TMEM74B: variants seen among roughly 807,000 people sequenced by gnomAD.
TMEM74B encodes transmembrane protein 74B, also known as transmembrane protein C20orf46.
A neutral mutation model predicts 6.5 loss-of-function variants in TMEM74B; 7 were observed. The observed-to-expected ratio is 1.07, with a 90% confidence interval of 0.61 to 2.01. The LOEUF (loss-of-function observed/expected upper bound fraction) is 2.01, where lower values mean the gene tolerates loss of function less well. TMEM74B is among the 30% of genes most tolerant of loss of function. The probability of loss-of-function intolerance (pLI) is 0.00; values close to 1 mark genes in which losing one functional copy is unlikely to be tolerated. For missense variants in TMEM74B, 342 were observed against 337.0 expected, an observed-to-expected ratio of 1.01 and a Z score of -0.12; for synonymous variants, 151 against 151.6, an observed-to-expected ratio of 1.00 and a Z score of 0.03.
chr20:1,189,409 T>C (rs1305715001), upstream of TMEM74B: 1 of 152,236 alleles, frequency 6.6e-6, no homozygotes. The surrounding 1 kb of genome is among the most constrained non-coding windows in gnomAD (Gnocchi z 4.5). Flanking sequence ...GTATGGACTT[T>C]AGCTAATAAC....
At chr20:1,183,202 T>C (rs2122675093) in intron 2 of TMEM74B, among the ~76,000 whole-genome samples, 1 of 152,150 alleles carries the variant, frequency 6.6e-6, no homozygotes, top group Non-Finnish European at 1.5e-5. Context: ...CATGCTCCGG[T>C]GTGTCTACGC....
upstream of TMEM74B, among the ~76,000 whole-genome samples, chr20:1,187,615 G>A (rs986092701): frequency 3.9e-5 from 6 of 152,234 alleles, no homozygotes; most frequent in Non-Finnish European, 7.3e-5. Flanking sequence ...CTGTAAAAGT[G>A]TGGACTGAGC....
At chr20:1,187,103 C>T (rs1036577750), upstream of TMEM74B, among the ~76,000 whole-genome samples, 1 of 152,140 alleles carries the variant, frequency 6.6e-6, no homozygotes, top group East Asian at 1.9e-4. Context: ...TGATATTTCC[C>T]GCACTCACCC....
upstream of TMEM74B, among the ~76,000 whole-genome samples, chr20:1,185,598 C>T (rs1211594722): frequency 6.6e-6 from 1 of 151,410 alleles, no homozygotes; most frequent in African/African-American, 2.4e-5. Context: ...GGCGAGGGTG[C>T]GGGGGCTCCG....
upstream of TMEM74B, among the ~76,000 whole-genome samples, chr20:1,187,994 A>T (rs539579980): frequency 1.9e-4 from 29 of 152,290 alleles, no homozygotes; most frequent in African/African-American, 7.0e-4. Flanking sequence ...TATGTCTGCT[A>T]TGTTACTAAG....
In TMEM74B at chr20:1,181,429, A is replaced by G. The variant is rs1414633528; in HGVS notation, c.190T>C (p.Phe64Leu). 1 of 1,518,820 alleles carries G rather than the reference A, an allele frequency of 6.6e-7. No homozygotes were observed. The highest frequency in any genetic ancestry group is 2.2e-5 in the Admixed American group (1 of 45,318). 94.1% of individuals were successfully genotyped at this position (1,518,820 alleles called of 1,614,324 possible). The change falls in exon 3 of 3, where the codon TTC (phenylalanine) becomes CTC (leucine). Residue 64 changes from phenylalanine to leucine, a missense_variant. By Grantham distance (22) the Phe-to-Leu change is conservative. Coordinates refer to ENST00000429036, the MANE Select transcript of TMEM74B (RefSeq NM_001304748.2). This position sits in a 1 kb window ranked among gnomAD's most constrained non-coding sequence, Gnocchi z 4.9. The stretch of plus-strand genomic sequence containing the variant: ...TGGGTCTCATGCTCCTCTGAGGAGA[A>G]GCAGGCATTCTCCACACCCTCCCTG... The part of the protein sequence containing the change: ...PTREGVENAC[F>L]SSEEHETHFQ...
chr20:1,180,690 G>C lies in TMEM74B; in HGVS notation c.*158C>G, dbSNP rs2086837614. 8.0e-6 allele frequency: 8 copies of C among 1,006,246 alleles called. No individual in the cohort carries two copies. The allele number at this position is 1,006,246 out of a possible 1,614,324, so 62.3% of individuals were successfully genotyped here. ...CTTGCCCGTGTGGGGCATGGGCTGGGCCCCGAGCTCTCCCTCCAGCACCCA... is the reference window on the plus strand; with the variant it reads ...CTTGCCCGTGTGGGGCATGGGCTGGCCCCCGAGCTCTCCCTCCAGCACCCA... On this transcript the variant is annotated 3_prime_UTR_variant, in exon 3 of 3. Transcript: ENST00000429036. This position sits in a 1 kb window ranked among gnomAD's most constrained non-coding sequence, Gnocchi z 6.1.
In TMEM74B at chr20:1,180,822, A is replaced by G; in HGVS notation, c.*26T>C. Reference sequence around the variant, plus strand: ...GTGGACCTTGTAGCACTGGAGCTAAAGCAGCCAGATAAGGTGGGCTAGTTC... The same window carrying G: ...GTGGACCTTGTAGCACTGGAGCTAAGGCAGCCAGATAAGGTGGGCTAGTTC... On this transcript the variant is annotated 3_prime_UTR_variant, in exon 3 of 3. Transcript: ENST00000429036. The surrounding 1 kb of genome is among the most constrained non-coding windows in gnomAD (Gnocchi z 6.1). The G allele has an allele frequency of 1.3e-6, 2 of 1,541,034 alleles. No individual in the cohort carries two copies. Among genetic ancestry groups the G allele is most frequent in the Non-Finnish European group, 1.8e-6 (2 of 1,142,248 alleles).
rs75766578 is a variant in TMEM74B at position 1,182,665 on chromosome 20, G to A, written c.32-1078C>T. 2.6e-3 allele frequency among the ~76,000 whole-genome samples: 401 copies of A among 152,178 alleles called. 1 individual carries two copies. The highest frequency in any genetic ancestry group is 8.8e-3 in the African/African-American group (365 of 41,510). On this transcript the variant is annotated intron_variant, in intron 2 of 2. Transcript: ENST00000429036. ...AGGAGGGGAACCGGGAGGGAGAGGCGAGAAGAGGGACACTCTCTGTGCTGC... is the reference window on the plus strand; with the variant it reads ...AGGAGGGGAACCGGGAGGGAGAGGCAAGAAGAGGGACACTCTCTGTGCTGC...
At position 1,183,889 on chromosome 20, in the gene TMEM74B, G is replaced by A. The variant is rs377254225; in HGVS notation, c.-88C>T. The A allele has an allele frequency of 2.0e-5, 31 of 1,516,918 alleles. No individual in the cohort carries two copies. In the East Asian group the frequency reaches 4.8e-4, roughly 24 times the overall value. 94.0% of individuals were successfully genotyped at this position (1,516,918 alleles called of 1,614,324 possible). ...GTTTATCAGCAACCGTGAGCACCTT[G>A]AGAGCAGGCATAAGTTTGAATTCCA... On this transcript the variant is annotated 5_prime_UTR_variant, in exon 2 of 3. It introduces an in-frame stop codon into an upstream open reading frame of the 5' UTR. Coordinates refer to ENST00000429036, the MANE Select transcript of TMEM74B (RefSeq NM_001304748.2).
intron 2 of TMEM74B, among the ~76,000 whole-genome samples, chr20:1,182,380 T>C (rs975174573): frequency 2.0e-5 from 3 of 151,752 alleles, no homozygotes; most frequent in Non-Finnish European, 2.9e-5. Flanking sequence ...CACAGAGGAC[T>C]CTGAAAGCCA....
chr20:1,185,174 G>A (rs2122690070), upstream of TMEM74B: 1 of 152,212 alleles, frequency 6.6e-6, no homozygotes, highest in African/African-American at 2.4e-5. Context: ...ACCACGCTGG[G>A]GCGAAGGGCG....
rs1380200177 is a variant in TMEM74B at position 1,181,584 on chromosome 20, GC to G, written c.34del (p.Ala12ProfsTer22). On this transcript the variant is annotated frameshift_variant and splice_region_variant, in exon 3 of 3. Coordinates refer to ENST00000429036, the MANE Select transcript of TMEM74B (RefSeq NM_001304748.2). LOFTEE classifies it high-confidence loss of function. The surrounding 1 kb of genome is among the most constrained non-coding windows in gnomAD (Gnocchi z 4.9). ...PPAQGYEFAA[A>X]KGPRDELGPS... ...CCCCAGCTCATCCCTTGGCCCCTTG[GC>G]AGCTGGAAGAGAAAAAAGAAAGTCA... 1 of 1,449,122 alleles carries G rather than the reference GC, an allele frequency of 6.9e-7. No individual in the cohort carries two copies. Among genetic ancestry groups the G allele is most frequent in the African/African-American group, 1.4e-5 (1 of 69,416 alleles). 89.8% of individuals were successfully genotyped at this position (1,449,122 alleles called of 1,614,324 possible). A position where few individuals can be genotyped will look rare whatever the true frequency, so the allele number is the denominator to read the frequency against.
At chr20:1,182,049 TTCA>T (rs894121326) in intron 2 of TMEM74B, among the ~76,000 whole-genome samples, 6 of 152,198 alleles carry the variant, frequency 3.9e-5, no homozygotes, top group African/African-American at 9.7e-5. Flanking sequence ...AGATTCGGTC[TTCA>T]TCTTATCTAT....
upstream of TMEM74B, chr20:1,185,529 C>T (rs1426924413): frequency 2.7e-5 from 4 of 149,740 alleles, no homozygotes; most frequent in Non-Finnish European, 4.5e-5. Flanking sequence ...CGCCCGCGGC[C>T]GGCGAGGGCG....
upstream of TMEM74B, among the ~76,000 whole-genome samples, chr20:1,187,813 C>T (rs1709020147): frequency 6.6e-6 from 1 of 152,156 alleles, no homozygotes; most frequent in Non-Finnish European, 1.5e-5. Context: ...CGAGCCTGGG[C>T]TTAGCAGGTC....
At chr20:1,185,507 C>A (rs2087001463), upstream of TMEM74B, 1 of 151,188 alleles carries the variant, frequency 6.6e-6, no homozygotes, top group Non-Finnish European at 1.5e-5. Flanking sequence ...CCGAGCGCCG[C>A]GGAGGGAGCT....
chr20:1,185,476 A>AGGGGCG (rs2122692087), upstream of TMEM74B: 1 of 149,792 alleles, frequency 6.7e-6, no homozygotes, highest in Admixed American at 6.6e-5. Context: ...GGACGGGAGA[A>AGGGGCG]GGGGCGGGGG....
intron 2 of TMEM74B, 37 bp downstream of exon 2, chr20:1,183,734 A>C: frequency 6.2e-7 from 1 of 1,613,050 alleles, no homozygotes; most frequent in Non-Finnish European, 8.5e-7. Context: ...ACAGGAGTTG[A>C]ATGCAGATTC....
Sources: allele counts gnomAD v4.1 joint callset (sites outside exome capture counted in the v4.1 genomes callset), GRCh38; gene constraint gnomAD v4.1.1; non-coding constraint Gnocchi (gnomAD v3.1); transcripts MANE v1.5; gene names NCBI Gene and HGNC (gene_info 2026-07-23, HGNC 2026-07-21).